ST6GALNAC3: variants seen among roughly 807,000 people sequenced by gnomAD.
ST6GALNAC3 encodes the protein alpha-N-acetylgalactosaminide alpha-2,6-sialyltransferase 3.
A neutral mutation model predicts 32.7 loss-of-function variants in ST6GALNAC3; 25 were observed. The ratio of observed to expected loss-of-function variants is 0.76; its 90% CI spans 0.56 to 1.07. The LOEUF is 1.07. Ranked by LOEUF, ST6GALNAC3 falls within the 50% of genes least tolerant of loss-of-function variation. ST6GALNAC3 has a pLI of 0.00. For synonymous variants in ST6GALNAC3, 129 were observed against 133.1 expected (o/e 0.97, Z 0.21); for missense variants, 355 against 382.4 (o/e 0.93, Z 0.60).
chr1:76,527,334 G>A (rs1662974320), intron 3 of ST6GALNAC3, among the ~76,000 whole-genome samples: 1 of 151,996 alleles, frequency 6.6e-6, no homozygotes, highest in South Asian at 2.1e-4. Flanking sequence ...ATTGCATCAA[G>A]GTTGAAATGC....
intron 3 of ST6GALNAC3, among the ~76,000 whole-genome samples, chr1:76,500,654 T>A (rs562179889): frequency 1.3e-5 from 2 of 152,304 alleles, no homozygotes; most frequent in South Asian, 2.1e-4. Flanking sequence ...TGACCGAGAT[T>A]GTTTCAGGCT....
At chr1:76,293,451 A>G (rs1416397904) in intron 1 of ST6GALNAC3, among the ~76,000 whole-genome samples, 1 of 152,202 alleles carries the variant, frequency 6.6e-6, no homozygotes, top group Non-Finnish European at 1.5e-5. Context: ...AGAAAATATT[A>G]AATCCATTTG....
chr1:76,120,325 T>C (rs901480854), intron 1 of ST6GALNAC3, among the ~76,000 whole-genome samples: 3 of 152,216 alleles, frequency 2.0e-5, no homozygotes, highest in Non-Finnish European at 4.4e-5. Flanking sequence ...GGCCACATAC[T>C]GCCCTAAGTG....
chr1:76,550,511 C>G (rs564731147), intron 3 of ST6GALNAC3, among the ~76,000 whole-genome samples: 8 of 152,058 alleles, frequency 5.3e-5, no homozygotes, highest in African/African-American at 1.9e-4. Flanking sequence ...ATTTTTTTCC[C>G]CATGACAGTA....
At chr1:76,505,413 C>T (rs750142647) in intron 3 of ST6GALNAC3, among the ~76,000 whole-genome samples, 69 of 152,234 alleles carry the variant, frequency 4.5e-4, no homozygotes, top group African/African-American at 1.5e-3. Flanking sequence ...TGAGCCACTG[C>T]GCCTGGCCAC....
At chr1:76,159,953 G>A (rs971335786) in intron 1 of ST6GALNAC3, among the ~76,000 whole-genome samples, 1 of 152,178 alleles carries the variant, frequency 6.6e-6, no homozygotes, top group African/African-American at 2.4e-5. Context: ...GATAGGAATT[G>A]TAGAGTTAAG....
rs1221963434 is a variant in ST6GALNAC3, at chr1:76,249,598, G to GTA, written c.19-64201_19-64200dup. Reference sequence around the variant, plus strand: ...ATGAACATTTATGTACAGGTTTTGTGTATATATGTGTCTTTAATTCTCTTG... The same window carrying GTA: ...ATGAACATTTATGTACAGGTTTTGTGTATATATATGTGTCTTTAATTCTCTTG... On this transcript the variant is annotated intron_variant, in intron 1 of 4. Coordinates refer to ENST00000328299, the MANE Select transcript of ST6GALNAC3 (RefSeq NM_152996.4). Among the ~76,000 whole-genome samples the GTA allele has an allele frequency of 5.9e-5, 9 of 151,996 alleles. No individual in the cohort carries two copies. The South Asian group carries it at 1.7e-3, about 28-fold the overall frequency.
At chr1:76,146,600 C>T (rs185587252) in intron 1 of ST6GALNAC3, among the ~76,000 whole-genome samples, 24 of 152,258 alleles carry the variant, frequency 1.6e-4, no homozygotes, top group African/African-American at 5.3e-4. Flanking sequence ...CCAAATCCAT[C>T]GTCTTTTCCC....
At chr1:76,438,188 G>T (rs1229352844) in intron 3 of ST6GALNAC3, among the ~76,000 whole-genome samples, 2 of 149,080 alleles carry the variant, frequency 1.3e-5, no homozygotes, top group Non-Finnish European at 3.0e-5. Context: ...GTCTCGCTGT[G>T]TCACCCAGGC....
chr1:76,461,518 C>G (rs930531848), intron 3 of ST6GALNAC3, among the ~76,000 whole-genome samples: 13 of 152,180 alleles, frequency 8.5e-5, no homozygotes, highest in Non-Finnish European at 1.3e-4. Flanking sequence ...GTGCTGGAGC[C>G]TTTATATCAG....
At chr1:76,154,492 C>T (rs907172935) in intron 1 of ST6GALNAC3, among the ~76,000 whole-genome samples, 1 of 152,186 alleles carries the variant, frequency 6.6e-6, no homozygotes, top group Admixed American at 6.5e-5. Context: ...TGTCTGGAAA[C>T]GCCTGTTGCA....
At chr1:76,132,583 A>C (rs1263949254) in intron 1 of ST6GALNAC3, among the ~76,000 whole-genome samples, 1 of 152,124 alleles carries the variant, frequency 6.6e-6, no homozygotes, top group Non-Finnish European at 1.5e-5. Flanking sequence ...ACTGCACACG[A>C]GTCCTGCCCC....
chr1:76,204,591 C>T (rs537413122), intron 1 of ST6GALNAC3, among the ~76,000 whole-genome samples: 1 of 152,088 alleles, frequency 6.6e-6, no homozygotes, highest in Non-Finnish European at 1.5e-5. Context: ...GCCTGGATAT[C>T]CAGAAGCAGT....
intron 3 of ST6GALNAC3, among the ~76,000 whole-genome samples, chr1:76,547,420 T>A (rs1664360937): frequency 6.6e-6 from 1 of 152,182 alleles, no homozygotes; most frequent in Non-Finnish European, 1.5e-5. Context: ...AGGGAATGCC[T>A]AAGACACGGT....
chr1:76,567,392 A>C (rs1665615772), intron 3 of ST6GALNAC3, among the ~76,000 whole-genome samples: 1 of 152,168 alleles, frequency 6.6e-6, no homozygotes. Flanking sequence ...ATCAAAGAAA[A>C]AGGGAGGACT....
chr1:76,616,245 A>G (rs1365532941), intron 3 of ST6GALNAC3, among the ~76,000 whole-genome samples: 1 of 152,246 alleles, frequency 6.6e-6, no homozygotes, highest in Non-Finnish European at 1.5e-5. Flanking sequence ...CAGTTAGAAA[A>G]TCTGGATGGA....
At chr1:76,490,453 A>G (rs985670175) in intron 3 of ST6GALNAC3, among the ~76,000 whole-genome samples, 1 of 148,862 alleles carries the variant, frequency 6.7e-6, no homozygotes, top group Non-Finnish European at 1.5e-5. Context: ...CTTATATGTT[A>G]TATATTATAT....
intron 1 of ST6GALNAC3, among the ~76,000 whole-genome samples, chr1:76,304,243 T>C (rs916552135): frequency 4.6e-5 from 7 of 152,034 alleles, no homozygotes; most frequent in Admixed American, 2.0e-4. Context: ...TACTGCCTTA[T>C]GAGATATATT....
chr1:76,451,502 G>T (rs1309108250), intron 3 of ST6GALNAC3, among the ~76,000 whole-genome samples: 1 of 152,186 alleles, frequency 6.6e-6, no homozygotes, highest in Admixed American at 6.5e-5. Flanking sequence ...TATAATTCAA[G>T]ATAAGTTTTG....
Sources: gnomAD v4.1 joint callset for allele counts (sites outside exome capture counted in the v4.1 genomes callset) on GRCh38, gnomAD v4.1.1 for gene constraint, MANE v1.5 for transcripts, NCBI Gene and HGNC (gene_info 2026-07-23, HGNC 2026-07-21) for gene names.